Variants in VAV2 observed in about 807,000 individuals in gnomAD.
The protein encoded by VAV2 is vav guanine nucleotide exchange factor 2, also known as guanine nucleotide exchange factor VAV2.
VAV2 carries 67 observed loss-of-function variants against 132.5 expected under a neutral mutation model. The observed-to-expected ratio is 0.51, with a 90% CI of 0.42 to 0.62. The LOEUF (loss-of-function observed/expected upper bound fraction) is 0.62, where lower values mean the gene tolerates loss of function less well. VAV2 is among the 20% of genes least tolerant of loss of function. The pLI is 0.00. For synonymous variants in VAV2, 492 were observed against 443.5 expected, an observed-to-expected ratio of 1.11 and a Z score of -1.37; for missense variants, 938 against 1,153.6, an observed-to-expected ratio of 0.81 and a Z score of 2.71.
Position 133,820,297 on chromosome 9 carries a change from C to T in VAV2, c.450-8081G>A, listed in dbSNP as rs552771529. 7.9e-5 allele frequency among the ~76,000 whole-genome samples: 12 copies of T among 152,252 alleles called. No individual in the cohort carries two copies. In the South Asian group the frequency reaches 2.3e-3, roughly 29 times the overall value. ...GCTACCTGGCTTCTTGGCAAAGATG[C>T]CATCTCCATAAACAAGTTTCTTTTT... On this transcript the variant is annotated intron_variant, in intron 4 of 29. Coordinates refer to ENST00000371850, the MANE Select transcript of VAV2 (RefSeq NM_001134398.2).
chr9:133,943,134 C>T (rs551395685), intron 1 of VAV2, among the ~76,000 whole-genome samples: 95 of 152,368 alleles, frequency 6.2e-4, no homozygotes, highest in Admixed American at 1.4e-3. Context: ...TCTGAGAGGA[C>T]GGGCGTGTGG....
chr9:133,890,515 G>A (rs562416037), intron 2 of VAV2, among the ~76,000 whole-genome samples: 4 of 152,190 alleles, frequency 2.6e-5, no homozygotes, highest in Non-Finnish European at 4.4e-5. Flanking sequence ...GAGCAAAGAC[G>A]ACCGCCCCCC....
intron 25 of VAV2, among the ~76,000 whole-genome samples, chr9:133,774,545 T>C (rs1833743699): frequency 6.6e-6 from 1 of 152,186 alleles, no homozygotes; most frequent in Non-Finnish European, 1.5e-5. Flanking sequence ...CCTAGGCCCC[T>C]GGCTGCCTCA....
At chr9:133,964,070 A>ATGT (rs1564507864) in intron 1 of VAV2, among the ~76,000 whole-genome samples, 2 of 89,366 alleles carry the variant, frequency 2.2e-5, no homozygotes, top group Admixed American at 2.3e-4. Flanking sequence ...CATATATATA[A>ATGT]ATGAATAGGC....
chr9:133,894,895 G>A (rs770985354), intron 2 of VAV2, among the ~76,000 whole-genome samples: 3 of 152,182 alleles, frequency 2.0e-5, no homozygotes, highest in African/African-American at 4.8e-5. Context: ...AGCCCTCACC[G>A]GCCCTAGACC....
At chr9:133,806,000 C>T (rs931730780) in intron 9 of VAV2, 81 bp downstream of exon 9, 2 of 1,453,150 alleles carry the variant, frequency 1.4e-6, no homozygotes, top group Non-Finnish European at 9.4e-7. Context: ...AAGAGTCCCA[C>T]TTACACAAGA....
chr9:133,845,679 T>C (rs1276311350), intron 3 of VAV2, among the ~76,000 whole-genome samples: 1 of 152,192 alleles, frequency 6.6e-6, no homozygotes, highest in Non-Finnish European at 1.5e-5. Context: ...CCCCAGGGCC[T>C]GTCTAGGAGC....
rs1833348691 is a variant in VAV2 at position 133,763,936 on chromosome 9, C to G, written c.*126G>C. 2.6e-6 allele frequency: 3 copies of G among 1,163,070 alleles called. No homozygotes were observed. In the African/African-American group the frequency reaches 4.6e-5, roughly 18 times the overall value. 72.0% of individuals were successfully genotyped at this position (1,163,070 alleles called of 1,614,324 possible). A position where few individuals can be genotyped will look rare whatever the true frequency, so the allele number is the denominator to read the frequency against. On this transcript the variant is annotated 3_prime_UTR_variant, in exon 30 of 30. Transcript: ENST00000371850. The surrounding 1 kb of genome is among the most constrained non-coding windows in gnomAD (Gnocchi z 6.8). ...TAGGATTCTCAACACCCTCCCTATC[C>G]CTGTGGGCAGTGGAAGACTGGGAGG...
At chr9:133,986,120 G>A (rs1023059007) in intron 1 of VAV2, among the ~76,000 whole-genome samples, 2 of 152,164 alleles carry the variant, frequency 1.3e-5, no homozygotes, top group African/African-American at 2.4e-5. Context: ...ACAGCAAACG[G>A]AAACCAAGTA....
intron 1 of VAV2, among the ~76,000 whole-genome samples, chr9:133,978,960 A>C (rs899589773): frequency 1.3e-5 from 2 of 152,204 alleles, no homozygotes; most frequent in African/African-American, 4.8e-5. Flanking sequence ...ATCAGAGCTG[A>C]GGGGGTCAGG....
intron 1 of VAV2, among the ~76,000 whole-genome samples, chr9:133,959,787 G>A (rs1841906919): frequency 6.6e-6 from 1 of 152,234 alleles, no homozygotes; most frequent in Admixed American, 6.5e-5. Context: ...ACAGGGATGA[G>A]GCCCTGAGAA....
chr9:133,948,455 G>A (rs965285957), intron 1 of VAV2, among the ~76,000 whole-genome samples: 2 of 152,140 alleles, frequency 1.3e-5, no homozygotes, highest in East Asian at 3.9e-4. Flanking sequence ...GTCTTCGGGG[G>A]CCAGCCTTGC....
chr9:133,783,814 C>A (rs1353726257), intron 18 of VAV2, among the ~76,000 whole-genome samples: 1 of 151,952 alleles, frequency 6.6e-6, no homozygotes, highest in Non-Finnish European at 1.5e-5. Flanking sequence ...CACACAGCAT[C>A]CCGGGCACCC....
chr9:133,959,847 TG>T (rs1264416824), intron 1 of VAV2, among the ~76,000 whole-genome samples: 2 of 151,670 alleles, frequency 1.3e-5, no homozygotes, highest in African/African-American at 4.8e-5. Context: ...CCGCAGGAGG[TG>T]GGGGAGGCAG....
intron 1 of VAV2, among the ~76,000 whole-genome samples, chr9:133,985,656 G>C (rs1842837581): frequency 6.6e-6 from 1 of 152,174 alleles, no homozygotes; most frequent in East Asian, 1.9e-4. Flanking sequence ...TGGTTCTTAA[G>C]CTGGGACAAT....
At position 133,883,667 on chromosome 9, in the gene VAV2, T is replaced by G. The variant is rs555203424; in HGVS notation, c.322-22235A>C. On this transcript the variant is annotated intron_variant, in intron 2 of 29. Coordinates refer to ENST00000371850, the MANE Select transcript of VAV2 (RefSeq NM_001134398.2). The surrounding 1 kb of genome is among the most constrained non-coding windows in gnomAD (Gnocchi z 4.2). ...CCTCAGGCACTGGACCTGGGGAGGC[T>G]TCCGGTCACCTGTGCAATGCCACCA... is the stretch of plus-strand genomic sequence containing the variant. 6.6e-6 allele frequency among the ~76,000 whole-genome samples: 1 copy of G among 152,286 alleles called. No homozygotes were observed. Among genetic ancestry groups the G allele is most frequent in the East Asian group, 1.9e-4 (1 of 5,180 alleles).
At chr9:133,825,191 C>T (rs1835935930) in intron 4 of VAV2, among the ~76,000 whole-genome samples, 1 of 89,366 alleles carries the variant, frequency 1.1e-5, no homozygotes, top group Non-Finnish European at 2.2e-5. Flanking sequence ...CGATGAAGGA[C>T]CTGGGGTGGG....
chr9:133,835,122 A>G (rs1836417563), intron 3 of VAV2, among the ~76,000 whole-genome samples: 1 of 152,192 alleles, frequency 6.6e-6, no homozygotes, highest in Non-Finnish European at 1.5e-5. Flanking sequence ...ATTTTTGTGG[A>G]ACTGTCATGC....
intron 23 of VAV2, 89 bp from the exon 24 acceptor site, chr9:133,776,169 T>G (rs2131582272): frequency 6.5e-7 from 1 of 1,540,930 alleles, no homozygotes; most frequent in Non-Finnish European, 8.8e-7. Flanking sequence ...GACTGCCCTG[T>G]CCCCACATTG....
Sources: gnomAD v4.1 joint callset for allele counts (sites outside exome capture counted in the v4.1 genomes callset) on GRCh38, gnomAD v4.1.1 for gene constraint, Gnocchi (gnomAD v3.1) non-coding constraint, MANE v1.5 for transcripts, NCBI Gene and HGNC (gene_info 2026-07-23, HGNC 2026-07-21) for gene names.